CADPS2: variants seen among roughly 807,000 people sequenced by gnomAD.
CADPS2 encodes the protein calcium-dependent secretion activator 2.
Under a neutral mutation model 172.5 loss-of-function variants are expected in CADPS2, and 93 were observed. The ratio of observed to expected loss-of-function variants is 0.54; its 90% confidence interval spans 0.46 to 0.64. The LOEUF (loss-of-function observed/expected upper bound fraction) is 0.64. Ranked by LOEUF, CADPS2 falls within the 30% of genes least tolerant of loss-of-function variation. The pLI, the probability that CADPS2 is intolerant of heterozygous loss-of-function variation, is 0.00. For missense variants in CADPS2, 1,420 were observed against 1,565.9 expected (o/e 0.91, Z 1.57); for synonymous variants, 546 against 555.2 (o/e 0.98, Z 0.23).
chr7:122,729,664 C>CCATTTTTA (rs1257136816), intron 2 of CADPS2, among the ~76,000 whole-genome samples: 3 of 140,854 alleles, frequency 2.1e-5, no homozygotes, highest in Non-Finnish European at 4.6e-5. Flanking sequence ...TGCCCTTTGC[C>CCATTTTTA]CATTTTTAAC....
At chr7:122,645,338 C>CAT (rs200178541) in intron 3 of CADPS2, among the ~76,000 whole-genome samples, 4,944 of 97,392 alleles carry the variant, frequency 0.051, 483 homozygotes, top group Middle Eastern at 0.12. Flanking sequence ...TATATACACA[C>CAT]ATGTACATGT....
intron 8 of CADPS2, among the ~76,000 whole-genome samples, chr7:122,533,697 T>C (rs746795268): frequency 3.9e-5 from 6 of 152,126 alleles, no homozygotes; most frequent in African/African-American, 9.7e-5. Context: ...AAAAAAGCAA[T>C]TGACCTAAGT....
At position 122,885,991 on chromosome 7, in the gene CADPS2, C is replaced by T; in HGVS notation, c.339+8G>A. On this transcript the variant is annotated splice_region_variant and intron_variant, in intron 1 of 29. Coordinates refer to ENST00000449022, the MANE Select transcript of CADPS2 (RefSeq NM_017954.11). ...TGGTGGTAGGAGGCGCCCGGTCCCG[C>T]AACTCACCTTCTGCTGCCTCCGGGC... is the stretch of plus-strand genomic sequence containing the variant. 1 of 1,600,204 alleles carries T rather than the reference C, an allele frequency of 6.2e-7. No individual in the cohort carries two copies. Among genetic ancestry groups the T allele is most frequent in the Non-Finnish European group, 8.5e-7 (1 of 1,173,896 alleles).
intron 8 of CADPS2, among the ~76,000 whole-genome samples, chr7:122,532,848 T>A (rs1036540276): frequency 2.6e-5 from 4 of 152,170 alleles, no homozygotes; most frequent in Non-Finnish European, 4.4e-5. Context: ...GTTTGCTTTT[T>A]AAATTTGATC....
chr7:122,373,455 T>C (rs569991921), intron 25 of CADPS2, among the ~76,000 whole-genome samples: 3 of 152,186 alleles, frequency 2.0e-5, no homozygotes, highest in Non-Finnish European at 4.4e-5. Flanking sequence ...GATGTTTTAG[T>C]TTTTCTTAAT....
intron 2 of CADPS2, 60 bp downstream of exon 2, chr7:122,736,895 A>C: frequency 1.1e-6 from 1 of 879,612 alleles, no homozygotes; most frequent in Non-Finnish European, 1.8e-6. Flanking sequence ...AACCCATAAA[A>C]ATAATAAAAC....
intron 1 of CADPS2, chr7:122,850,244 C>T: frequency 9.9e-7 from 1 of 1,011,446 alleles, no homozygotes; most frequent in African/African-American, 1.7e-5. Flanking sequence ...GCCCCCTGAC[C>T]CAGCTCCTGC....
chr7:122,611,880 GCAAGGAATGCAAGGTT>G lies in CADPS2; in HGVS notation c.1223+3285_1223+3300del, dbSNP rs140186068. Among the ~76,000 whole-genome samples, 947 of 152,084 alleles carry G rather than the reference GCAAGGAATGCAAGGTT, an allele frequency of 6.2e-3. 5 individuals are homozygous for G. The highest frequency in any genetic ancestry group is 0.022 in the African/African-American group (909 of 41,534). ...CCTATATTATGATAGTGGGAATTGTGCAAGGAATGCAAGGTTCATTTAACACCTGAAAATCAAATAA... is the reference window on the plus strand; with the variant it reads ...CCTATATTATGATAGTGGGAATTGTGCATTTAACACCTGAAAATCAAATAA... On this transcript the variant is annotated intron_variant, in intron 6 of 29. Transcript: ENST00000449022.
chr7:122,386,793 C>T (rs1369450861), intron 24 of CADPS2, among the ~76,000 whole-genome samples: 1 of 152,044 alleles, frequency 6.6e-6, no homozygotes, highest in African/African-American at 2.4e-5. Flanking sequence ...CTGTTAAAAG[C>T]TATATCTAAA....
intron 14 of CADPS2, among the ~76,000 whole-genome samples, chr7:122,452,337 A>G (rs1217611161): frequency 1.3e-5 from 2 of 152,216 alleles, no homozygotes; most frequent in Non-Finnish European, 2.9e-5. Context: ...TATTTTAATA[A>G]CAAAATAAAC....
chr7:122,320,084 A>C lies in CADPS2; in HGVS notation c.*81T>G. 1 of 1,265,344 alleles carries C rather than the reference A, an allele frequency of 7.9e-7. No homozygotes were observed. Among genetic ancestry groups the C allele is most frequent in the Non-Finnish European group, 1.0e-6 (1 of 966,842 alleles). The allele number at this position is 1,265,344 out of a possible 1,614,324, so 78.4% of individuals were successfully genotyped here. On this transcript the variant is annotated 3_prime_UTR_variant, in exon 30 of 30. Transcript: ENST00000449022. ...TTTATTTGGCCAAAACAAACAATGA[A>C]TGTAATTACAAGGACAAGGTTAAAA...
intron 13 of CADPS2, among the ~76,000 whole-genome samples, chr7:122,471,944 G>A (rs1006008810): frequency 6.6e-6 from 1 of 152,152 alleles, no homozygotes; most frequent in African/African-American, 2.4e-5. Context: ...CTGCTCAGGA[G>A]AAGTTTTATA....
chr7:122,828,108 AG>A (rs1203924471), intron 1 of CADPS2, among the ~76,000 whole-genome samples: 1 of 152,132 alleles, frequency 6.6e-6, no homozygotes, highest in Non-Finnish European at 1.5e-5. Context: ...ATATCCATTT[AG>A]GATCATCATG....
At chr7:122,412,470 A>G (rs3807875) in intron 19 of CADPS2, among the ~76,000 whole-genome samples, 64,908 of 151,996 alleles carry the variant, frequency 0.43, 14,146 homozygotes, top group African/African-American at 0.51. Flanking sequence ...AGATACTGAT[A>G]TTTAGGGGAA....
At chr7:122,332,376 T>C (rs1355510019) in intron 28 of CADPS2, among the ~76,000 whole-genome samples, 1 of 150,522 alleles carries the variant, frequency 6.6e-6, no homozygotes. Context: ...ACTCTATATA[T>C]GTGACTTTCT....
At position 122,490,244 on chromosome 7, in the gene CADPS2, T is replaced by C. The variant is rs561489172; in HGVS notation, c.1689A>G (p.Lys563=). Residue 563 remains lysine, a synonymous_variant, in exon 11 of 30, where the codon AAA becomes AAG. Transcript: ENST00000449022. ...QGGCMFFNAV[K]EGDTVIFASD... ...TGGCAAAGATTACAGTATCTCCTTCTTTAACAGCATTAAAGAACATACAAC... is the reference window on the plus strand; with the variant it reads ...TGGCAAAGATTACAGTATCTCCTTCCTTAACAGCATTAAAGAACATACAAC... The C allele has an allele frequency of 6.2e-7, 1 of 1,613,206 alleles. No individual in the cohort carries two copies. The highest frequency in any genetic ancestry group is 1.3e-5 in the African/African-American group (1 of 74,992).
intron 1 of CADPS2, among the ~76,000 whole-genome samples, chr7:122,846,878 A>T (rs967212690): frequency 2.0e-5 from 3 of 152,230 alleles, no homozygotes; most frequent in Admixed American, 6.5e-5. Context: ...AAAGTTTCTT[A>T]GTATGGCCAG....
chr7:122,582,382 G>T (rs538940123), intron 6 of CADPS2, among the ~76,000 whole-genome samples: 30 of 151,842 alleles, frequency 2.0e-4, no homozygotes, highest in African/African-American at 6.8e-4. Flanking sequence ...ATACAGTAAA[G>T]CAGAGACCAT....
At chr7:122,393,087 C>T in intron 22 of CADPS2, 109 bp downstream of exon 22, 2 of 1,269,404 alleles carry the variant, frequency 1.6e-6, no homozygotes, top group East Asian at 2.6e-5. Context: ...AACAGTATTC[C>T]TCAACCAACG....
Sources: gnomAD v4.1 joint callset for allele counts (sites outside exome capture counted in the v4.1 genomes callset) on GRCh38, gnomAD v4.1.1 for gene constraint, MANE v1.5 for transcripts, NCBI Gene and HGNC (gene_info 2026-07-23, HGNC 2026-07-21) for gene names.